Variants in CCDC102B observed in about 807,000 individuals in gnomAD.
CCDC102B encodes coiled-coil domain containing 102B, also known as coiled-coil domain-containing protein 102B.
A neutral mutation model predicts 57.4 loss-of-function variants in CCDC102B; 75 were observed. That is an observed-to-expected ratio of 1.31 (90% CI 1.08 to 1.58). The LOEUF (loss-of-function observed/expected upper bound fraction) is 1.58. Ranked by LOEUF, CCDC102B falls within the 40% of genes most tolerant of loss-of-function variation. CCDC102B has a pLI of 0.00. For missense variants in CCDC102B, 636 were observed against 582.6 expected, an observed-to-expected ratio of 1.09 and a Z score of -0.94; for synonymous variants, 206 against 201.9, an observed-to-expected ratio of 1.02 and a Z score of -0.17.
chr18:69,011,552 C>A (rs949823370), intron 7 of CCDC102B, among the ~76,000 whole-genome samples: 22 of 150,530 alleles, frequency 1.5e-4, no homozygotes, highest in Non-Finnish European at 7.4e-5. Flanking sequence ...TAGGTCAACT[C>A]AATAATGGTT....
At chr18:68,879,035 G>T (rs1025602021) in intron 5 of CCDC102B, among the ~76,000 whole-genome samples, 3 of 152,054 alleles carry the variant, frequency 2.0e-5, no homozygotes. Flanking sequence ...GGTCTCGCTG[G>T]CTCAGGAGTG....
intron 1 of CCDC102B, among the ~76,000 whole-genome samples, chr18:68,818,657 T>C (rs1301162571): frequency 1.3e-5 from 2 of 152,204 alleles, no homozygotes; most frequent in Non-Finnish European, 2.9e-5. Flanking sequence ...CCAGCTTCTT[T>C]TACTTCGAAT....
intron 3 of CCDC102B, among the ~76,000 whole-genome samples, chr18:68,841,870 T>C (rs991537408): frequency 6.6e-6 from 1 of 152,238 alleles, no homozygotes; most frequent in African/African-American, 2.4e-5. Context: ...GTAGCTGGAA[T>C]TACAGGCTGT....
At chr18:68,985,659 G>A (rs1429497153) in intron 6 of CCDC102B, among the ~76,000 whole-genome samples, 4 of 152,146 alleles carry the variant, frequency 2.6e-5, no homozygotes, top group Non-Finnish European at 4.4e-5. Context: ...AGAGCTACCA[G>A]AAAGGACTTT....
chr18:68,876,187 T>C (rs1254344614), intron 5 of CCDC102B, among the ~76,000 whole-genome samples: 1 of 152,204 alleles, frequency 6.6e-6, no homozygotes, highest in Admixed American at 6.5e-5. Flanking sequence ...AAAGCACATA[T>C]AGATATTTAT....
At chr18:68,982,823 A>G (rs1031956382) in intron 6 of CCDC102B, among the ~76,000 whole-genome samples, 1 of 151,954 alleles carries the variant, frequency 6.6e-6, no homozygotes, top group Admixed American at 6.6e-5. Flanking sequence ...ATAAAAATGT[A>G]TTTGATAAAT....
At chr18:68,940,464 G>A (rs995345043) in intron 6 of CCDC102B, among the ~76,000 whole-genome samples, 42 of 151,866 alleles carry the variant, frequency 2.8e-4, no homozygotes, top group Middle Eastern at 3.4e-3. Context: ...ATATAGGGAA[G>A]GTCATCTCAT....
At chr18:69,018,572 G>T (rs182951201) in intron 7 of CCDC102B, among the ~76,000 whole-genome samples, 1 of 151,994 alleles carries the variant, frequency 6.6e-6, no homozygotes, top group Non-Finnish European at 1.5e-5. Flanking sequence ...GTTTATATTA[G>T]TTAGATGCCT....
chr18:69,008,997 A>G (rs1352053828), intron 6 of CCDC102B, among the ~76,000 whole-genome samples: 1 of 152,240 alleles, frequency 6.6e-6, no homozygotes. Context: ...CAGCAACAAC[A>G]AAACAATGCT....
chr18:68,790,511 G>C (rs2035411349), intron 2 of CCDC102B, among the ~76,000 whole-genome samples: 1 of 152,178 alleles, frequency 6.6e-6, no homozygotes, highest in Admixed American at 6.5e-5. Context: ...CTCCGAGCCA[G>C]GGCGGGATAT....
At chr18:68,824,721 A>C (rs2036836557) in intron 1 of CCDC102B, among the ~76,000 whole-genome samples, 1 of 152,250 alleles carries the variant, frequency 6.6e-6, no homozygotes, top group South Asian at 2.1e-4. Context: ...AGTACAGAAT[A>C]GCCAGACTGA....
At chr18:68,812,435 G>T (rs2036302460) in intron 1 of CCDC102B, among the ~76,000 whole-genome samples, 1 of 152,042 alleles carries the variant, frequency 6.6e-6, no homozygotes, top group South Asian at 2.1e-4. Context: ...TATGATTACT[G>T]GATTATGGTC....
intron 2 of CCDC102B, among the ~76,000 whole-genome samples, chr18:68,777,742 C>T (rs970500712): frequency 2.0e-5 from 3 of 151,926 alleles, no homozygotes; most frequent in Admixed American, 6.6e-5. Flanking sequence ...AAGAGTAACT[C>T]GAAGAGAGTC....
chr18:68,890,904 C>G (rs1206121116), intron 5 of CCDC102B, among the ~76,000 whole-genome samples: 1 of 152,086 alleles, frequency 6.6e-6, no homozygotes, highest in Non-Finnish European at 1.5e-5. Context: ...ATGAATAAAG[C>G]TGCTAATATA....
At chr18:68,827,371 G>A (rs926830912) in intron 1 of CCDC102B, among the ~76,000 whole-genome samples, 1 of 151,906 alleles carries the variant, frequency 6.6e-6, no homozygotes. Flanking sequence ...TGATAGAGAA[G>A]GTAAAATGAC....
At chr18:68,922,825 TGA>T (rs5825885) in intron 6 of CCDC102B, among the ~76,000 whole-genome samples, 42,054 of 151,932 alleles carry the variant, frequency 0.28, 6,906 homozygotes, top group Non-Finnish European at 0.36. Flanking sequence ...GGATATTTAT[TGA>T]GCACCTATTA....
chr18:68,909,820 T>G (rs1436907726), intron 6 of CCDC102B, among the ~76,000 whole-genome samples: 1 of 152,180 alleles, frequency 6.6e-6, no homozygotes, highest in Admixed American at 6.5e-5. Flanking sequence ...TTAGATTTCA[T>G]GTGATTAAAA....
chr18:69,043,910 C>T (rs960525633), intron 7 of CCDC102B, among the ~76,000 whole-genome samples: 14 of 152,000 alleles, frequency 9.2e-5, no homozygotes, highest in East Asian at 1.9e-4. Context: ...CACAGCATCA[C>T]GTGAAGGAAG....
chr18:68,832,105 T>A (rs892033492), intron 1 of CCDC102B, among the ~76,000 whole-genome samples: 10 of 147,878 alleles, frequency 6.8e-5, no homozygotes, highest in African/African-American at 2.5e-4. Context: ...CTATGCTTTT[T>A]AGGAAAAAAA....
Sources: gnomAD v4.1 joint callset for allele counts (sites outside exome capture counted in the v4.1 genomes callset) on GRCh38, gnomAD v4.1.1 for gene constraint, MANE v1.5 for transcripts, NCBI Gene and HGNC (gene_info 2026-07-23, HGNC 2026-07-21) for gene names.